LRIF1: variants seen among roughly 807,000 people sequenced by gnomAD.
LRIF1 encodes ligand-dependent nuclear receptor-interacting factor 1.
A neutral mutation model predicts 52.7 loss-of-function variants in LRIF1; 32 were observed. The ratio of observed to expected loss-of-function variants is 0.61; its 90% confidence interval spans 0.46 to 0.82. The LOEUF is 0.82. Ranked by LOEUF, LRIF1 falls within the 40% of genes least tolerant of loss-of-function variation. The pLI is 0.00. For synonymous variants in LRIF1, 323 were observed against 317.4 expected, an observed-to-expected ratio of 1.02 and a Z score of -0.19; for missense variants, 887 against 892.0, an observed-to-expected ratio of 0.99 and a Z score of 0.07.
At chr1:110,877,428 C>G in the LRIF1 span, among the ~76,000 whole-genome samples, 2 of 152,160 alleles carry the variant, frequency 1.3e-5, no homozygotes, top group Admixed American at 6.5e-5. Flanking sequence ...CCTAGGAGGA[C>G]GGAGAACCTC....
chr1:110,912,248 A>G, the LRIF1 span, among the ~76,000 whole-genome samples: 3 of 151,744 alleles, frequency 2.0e-5, no homozygotes, highest in African/African-American at 2.4e-5. Context: ...GTCTGGCTCT[A>G]TCGCCCAGAC....
chr1:110,924,003 A>G, the LRIF1 span, among the ~76,000 whole-genome samples: 1 of 152,174 alleles, frequency 6.6e-6, no homozygotes, highest in African/African-American at 2.4e-5. Context: ...TGTTGTAGAT[A>G]AAAAGGAAAA....
At chr1:110,894,141 T>C in the LRIF1 span, among the ~76,000 whole-genome samples, 2 of 152,210 alleles carry the variant, frequency 1.3e-5, no homozygotes, top group African/African-American at 4.8e-5. Context: ...TGATCTGCCC[T>C]CTAGAGTCTA....
downstream of LRIF1, among the ~76,000 whole-genome samples, chr1:110,942,998 G>A (rs1447066079): frequency 6.6e-6 from 1 of 152,086 alleles, no homozygotes; most frequent in East Asian, 1.9e-4. Context: ...CCAACATTAA[G>A]AGATCATAGA....
intron 1 of LRIF1, among the ~76,000 whole-genome samples, chr1:110,956,835 T>C (rs1197245113): frequency 1.3e-5 from 2 of 152,214 alleles, no homozygotes; most frequent in Non-Finnish European, 2.9e-5. Context: ...AATTAAGTGA[T>C]ATGCCAGAAA....
chr1:110,926,218 G>T, the LRIF1 span, among the ~76,000 whole-genome samples: 1 of 151,996 alleles, frequency 6.6e-6, no homozygotes, highest in South Asian at 2.1e-4. Context: ...TAAGGTAAAA[G>T]ACTTGATCTA....
At chr1:110,917,625 A>ATTTTTTTTTT in the LRIF1 span, among the ~76,000 whole-genome samples, 1 of 138,430 alleles carries the variant, frequency 7.2e-6, no homozygotes, top group Admixed American at 7.8e-5. Flanking sequence ...TAAGGAGCTT[A>ATTTTTTTTTT]TTTTTTTTGT....
chr1:110,947,953 G>A lies in LRIF1; in HGVS notation c.*6C>T. On this transcript the variant is annotated 3_prime_UTR_variant, in exon 4 of 4. Coordinates refer to ENST00000369763, the MANE Select transcript of LRIF1 (RefSeq NM_018372.4). ...AGCTATTTCACTGAAGTCTTTACAG[G>A]AGATTTTATTTTTGGTGCATCTTCT... is the stretch of plus-strand genomic sequence containing the variant. 6.4e-7 allele frequency: 1 copy of A among 1,566,334 alleles called. No individual in the cohort carries two copies. The highest frequency in any genetic ancestry group is 8.6e-7 in the Non-Finnish European group (1 of 1,161,090).
At chr1:110,895,151 C>A in the LRIF1 span, 2 of 869,770 alleles carry the variant, frequency 2.3e-6, no homozygotes, top group Non-Finnish European at 1.9e-6. Context: ...GTTTCAGAAT[C>A]TAAGGTCCAC....
At chr1:110,902,495 T>TAAAAAAACAAAAAAA in the LRIF1 span, among the ~76,000 whole-genome samples, 1 of 72,664 alleles carries the variant, frequency 1.4e-5, no homozygotes, top group Non-Finnish European at 2.5e-5. Flanking sequence ...AATCAATCAC[T>TAAAAAAACAAAAAAA]AAAAAAAAAA....
the LRIF1 span, among the ~76,000 whole-genome samples, chr1:110,935,546 G>A: frequency 1.3e-5 from 2 of 152,208 alleles, no homozygotes; most frequent in African/African-American, 4.8e-5. Context: ...GCTAAAAAAT[G>A]CAGTTGGCAT....
At chr1:110,909,803 A>G in the LRIF1 span, among the ~76,000 whole-genome samples, 19 of 151,880 alleles carry the variant, frequency 1.3e-4, no homozygotes, top group Non-Finnish European at 2.5e-4. Flanking sequence ...CTGGTCTCGA[A>G]CTCCTGACCT....
At chr1:110,932,397 A>G in the LRIF1 span, among the ~76,000 whole-genome samples, 1 of 152,086 alleles carries the variant, frequency 6.6e-6, no homozygotes, top group South Asian at 2.1e-4. Context: ...CTTGTAGTAT[A>G]GTTTGAAGTC....
chr1:110,907,688 T>G, the LRIF1 span, among the ~76,000 whole-genome samples: 1 of 152,146 alleles, frequency 6.6e-6, no homozygotes, highest in Non-Finnish European at 1.5e-5. Flanking sequence ...GAGCCGAGAT[T>G]GCACCACGGC....
At chr1:110,906,349 A>G in the LRIF1 span, among the ~76,000 whole-genome samples, 1 of 152,134 alleles carries the variant, frequency 6.6e-6, no homozygotes, top group Non-Finnish European at 1.5e-5. Context: ...ATTTGAAACC[A>G]GCCTAGTCAA....
At chr1:110,913,676 C>T in the LRIF1 span, among the ~76,000 whole-genome samples, 1 of 152,210 alleles carries the variant, frequency 6.6e-6, no homozygotes, top group South Asian at 2.1e-4. Context: ...AAAGGGAACA[C>T]TTAGACACTG....
intron 1 of LRIF1, among the ~76,000 whole-genome samples, chr1:110,955,136 TCCC>T (rs1553211084): frequency 6.6e-6 from 1 of 152,098 alleles, no homozygotes; most frequent in Non-Finnish European, 1.5e-5. Flanking sequence ...CCCATCCTAA[TCCC>T]CCCAAGTTCC....
chr1:110,886,996 T>A, the LRIF1 span, among the ~76,000 whole-genome samples: 5 of 151,324 alleles, frequency 3.3e-5, no homozygotes, highest in Non-Finnish European at 5.9e-5. Context: ...ATGTCACACA[T>A]TGTAGTTTCA....
At chr1:110,900,701 C>T in the LRIF1 span, among the ~76,000 whole-genome samples, 1 of 148,408 alleles carries the variant, frequency 6.7e-6, no homozygotes, top group African/African-American at 2.5e-5. Flanking sequence ...CACATCAGTT[C>T]TGCCATACAC....
Sources: allele counts gnomAD v4.1 joint callset (sites outside exome capture counted in the v4.1 genomes callset), GRCh38; gene constraint gnomAD v4.1.1; transcripts MANE v1.5; gene names NCBI Gene and HGNC (gene_info 2026-07-23, HGNC 2026-07-21).